Variants in CNTN5 observed in about 807,000 individuals in gnomAD.
The protein encoded by CNTN5 is contactin 5, also known as contactin-5.
A neutral mutation model predicts 129.1 loss-of-function variants in CNTN5; 77 were observed. That is an observed-to-expected ratio of 0.60 (90% confidence interval 0.50 to 0.72). The LOEUF is 0.72. CNTN5 is among the 30% of genes least tolerant of loss of function. CNTN5 has a pLI of 0.00. For missense variants in CNTN5, 1,478 were observed against 1,328.8 expected, an observed-to-expected ratio of 1.11 and a Z score of -1.75; for synonymous variants, 509 against 465.6, an observed-to-expected ratio of 1.09 and a Z score of -1.20.
At chr11:99,714,217 A>T (rs1357883353) in intron 3 of CNTN5, among the ~76,000 whole-genome samples, 1 of 151,934 alleles carries the variant, frequency 6.6e-6, no homozygotes, top group Non-Finnish European at 1.5e-5. Flanking sequence ...CCTTGGTATC[A>T]GTAGCTCTGT....
chr11:99,739,705 A>G (rs555981035), intron 3 of CNTN5, among the ~76,000 whole-genome samples: 1 of 152,216 alleles, frequency 6.6e-6, no homozygotes, highest in Non-Finnish European at 1.5e-5. Context: ...TTCAGATGAG[A>G]TTTCTTACCA....
chr11:99,953,031 AAAG>A (rs1950713419), intron 7 of CNTN5, among the ~76,000 whole-genome samples: 1 of 152,204 alleles, frequency 6.6e-6, no homozygotes, highest in East Asian at 1.9e-4. Context: ...ACACTATTAG[AAAG>A]AAGAATGGTT....
At chr11:100,030,202 C>T (rs1941636872) in intron 9 of CNTN5, among the ~76,000 whole-genome samples, 1 of 112,070 alleles carries the variant, frequency 8.9e-6, no homozygotes, top group Admixed American at 9.3e-5. Context: ...TAGAAAGACC[C>T]CATCTCTAAA....
At chr11:99,774,309 T>C (rs1157751966) in intron 3 of CNTN5, among the ~76,000 whole-genome samples, 1 of 151,756 alleles carries the variant, frequency 6.6e-6, no homozygotes, top group Non-Finnish European at 1.5e-5. Flanking sequence ...GATTGTTAAA[T>C]GATTAGCTTT....
intron 8 of CNTN5, among the ~76,000 whole-genome samples, chr11:99,975,048 G>A (rs1322637941): frequency 6.6e-6 from 1 of 152,206 alleles, no homozygotes. Flanking sequence ...TGTATAAATA[G>A]CTGCCCTTCC....
chr11:99,548,036 C>A (rs535329101), intron 2 of CNTN5, among the ~76,000 whole-genome samples: 2 of 152,076 alleles, frequency 1.3e-5, no homozygotes, highest in Non-Finnish European at 2.9e-5. Context: ...TAGAACAGTA[C>A]CTGGCAGGTA....
In CNTN5 at chr11:100,344,925, TAAG is replaced by T. The variant is rs1952245538; in HGVS notation, c.3030+3723_3030+3725del. Among the ~76,000 whole-genome samples the T allele has an allele frequency of 3.3e-5, 5 of 152,044 alleles. No homozygotes were observed. The South Asian group carries it at 1.0e-3, about 32-fold the overall frequency. On this transcript the variant is annotated intron_variant, in intron 23 of 24. Coordinates refer to ENST00000524871, the MANE Select transcript of CNTN5 (RefSeq NM_014361.4). The stretch of plus-strand genomic sequence containing the variant: ...TTTTGCCATTTTCCATGGAATATAA[TAAG>T]AACACTATAAAAAATATATCAGTAC...
intron 4 of CNTN5, among the ~76,000 whole-genome samples, chr11:99,826,836 C>T (rs1946975075): frequency 6.6e-6 from 1 of 152,056 alleles, no homozygotes; most frequent in South Asian, 2.1e-4. Context: ...GCCTGTGAGA[C>T]CTCTGAGCAT....
At chr11:99,201,351 T>TTTCCTTCCTTCCTTCCTTCC (rs71046674) in intron 1 of CNTN5, among the ~76,000 whole-genome samples, 2,479 of 88,138 alleles carry the variant, frequency 0.028, 89 homozygotes, top group African/African-American at 0.056. Flanking sequence ...CTTCCTTTCC[T>TTTCCTTCCTTCCTTCCTTCC]TTCCTTCCTT....
chr11:99,433,263 A>C (rs1273158620), intron 2 of CNTN5, among the ~76,000 whole-genome samples: 1 of 152,024 alleles, frequency 6.6e-6, no homozygotes, highest in Non-Finnish European at 1.5e-5. Flanking sequence ...AGGTTTAGAA[A>C]AGATGTTGAA....
chr11:99,380,020 C>T (rs190609291), intron 2 of CNTN5, among the ~76,000 whole-genome samples: 40 of 151,564 alleles, frequency 2.6e-4, no homozygotes, highest in African/African-American at 9.0e-4. Flanking sequence ...TTATGTGTCC[C>T]ATAACAATGT....
At chr11:99,350,430 A>C (rs1392379267) in intron 2 of CNTN5, among the ~76,000 whole-genome samples, 1 of 152,198 alleles carries the variant, frequency 6.6e-6, no homozygotes, top group African/African-American at 2.4e-5. Context: ...ATAGATATGC[A>C]CTGTGAACCA....
intron 3 of CNTN5, among the ~76,000 whole-genome samples, chr11:99,599,209 C>G (rs996425853): frequency 1.3e-5 from 2 of 151,524 alleles, no homozygotes; most frequent in Non-Finnish European, 2.9e-5. Flanking sequence ...AATAAGATAT[C>G]TACATTCTGA....
chr11:99,717,636 TAAATGGAGGTA>T (rs1943021748), intron 3 of CNTN5, among the ~76,000 whole-genome samples: 1 of 152,114 alleles, frequency 6.6e-6, no homozygotes, highest in East Asian at 1.9e-4. Flanking sequence ...TTTGTGTAAT[TAAATGGAGGTA>T]AATCAGAGGT....
chr11:99,418,388 G>T (rs1253488547), intron 2 of CNTN5, among the ~76,000 whole-genome samples: 1 of 152,036 alleles, frequency 6.6e-6, no homozygotes, highest in Non-Finnish European at 1.5e-5. Flanking sequence ...GGCAAGAAAA[G>T]ACAGTAAAAC....
chr11:99,698,398 C>T (rs1391615637), intron 3 of CNTN5, among the ~76,000 whole-genome samples: 1 of 151,366 alleles, frequency 6.6e-6, no homozygotes, highest in Non-Finnish European at 1.5e-5. Flanking sequence ...ATTTAAAACC[C>T]TGGAATCCCT....
At chr11:99,782,567 A>G (rs1226706294) in intron 3 of CNTN5, among the ~76,000 whole-genome samples, 3 of 151,738 alleles carry the variant, frequency 2.0e-5, no homozygotes, top group African/African-American at 7.3e-5. Context: ...ACACTACCTG[A>G]CTTCAAACTA....
intron 9 of CNTN5, among the ~76,000 whole-genome samples, chr11:100,023,989 G>A (rs1941288880): frequency 3.9e-5 from 6 of 152,114 alleles, no homozygotes; most frequent in Admixed American, 3.9e-4. Context: ...ATGGTTTTGT[G>A]TCGATATAAG....
chr11:99,046,674 C>T (rs1481874901), intron 1 of CNTN5, among the ~76,000 whole-genome samples: 1 of 151,764 alleles, frequency 6.6e-6, no homozygotes, highest in African/African-American at 2.4e-5. Flanking sequence ...GTTTTTTCAT[C>T]AATTCAAGAA....
Sources: gnomAD v4.1 joint callset for allele counts (sites outside exome capture counted in the v4.1 genomes callset) on GRCh38, gnomAD v4.1.1 for gene constraint, MANE v1.5 for transcripts, NCBI Gene and HGNC (gene_info 2026-07-23, HGNC 2026-07-21) for gene names.